NRG3: variants seen among roughly 807,000 people sequenced by gnomAD.
NRG3 encodes neuregulin 3, also known as pro-neuregulin-3, membrane-bound isoform.
NRG3 carries 31 observed loss-of-function variants against 66.9 expected under a neutral mutation model. The ratio of observed to expected loss-of-function variants is 0.46; its 90% CI spans 0.35 to 0.63. The LOEUF is 0.63. Ranked by LOEUF, NRG3 falls within the 20% of genes least tolerant of loss-of-function variation. The pLI is 0.00. For synonymous variants in NRG3, 393 were observed against 359.4 expected, an observed-to-expected ratio of 1.09 and a Z score of -1.06; for missense variants, 910 against 878.9, an observed-to-expected ratio of 1.04 and a Z score of -0.45.
chr10:82,711,747 G>T (rs533394355), intron 2 of NRG3, among the ~76,000 whole-genome samples: 91 of 152,136 alleles, frequency 6.0e-4, no homozygotes, highest in African/African-American at 2.0e-3. Flanking sequence ...TTTATCATAT[G>T]ATCAATTTTA....
intron 4 of NRG3, among the ~76,000 whole-genome samples, chr10:82,879,988 G>A (rs1304041750): frequency 3.3e-5 from 4 of 119,820 alleles, no homozygotes; most frequent in Non-Finnish European, 6.5e-5. Flanking sequence ...TTTTGCATGA[G>A]AATTGAAGCA....
chr10:82,397,619 C>T (rs2086796922), intron 2 of NRG3, among the ~76,000 whole-genome samples: 1 of 152,060 alleles, frequency 6.6e-6, no homozygotes, highest in African/African-American at 2.4e-5. Flanking sequence ...TTCTAAATGC[C>T]AGGGTTTTAA....
At chr10:81,963,197 G>A (rs2059591794) in intron 1 of NRG3, among the ~76,000 whole-genome samples, 1 of 140,314 alleles carries the variant, frequency 7.1e-6, no homozygotes, top group East Asian at 2.1e-4. Context: ...GCAGTGGCGG[G>A]ATCTCGGCTC....
chr10:82,856,317 T>C (rs1468222012), intron 3 of NRG3, among the ~76,000 whole-genome samples: 2 of 152,164 alleles, frequency 1.3e-5, no homozygotes, highest in South Asian at 2.1e-4. Context: ...GTCCTGGGAT[T>C]TGAGATTTTT....
chr10:82,261,285 C>T (rs866612541), intron 1 of NRG3, among the ~76,000 whole-genome samples: 6 of 152,294 alleles, frequency 3.9e-5, no homozygotes, highest in Admixed American at 6.5e-5. Flanking sequence ...CATTCACTCT[C>T]CTGTCTCCTG....
At chr10:82,910,893 TAACTG>T (rs948906983) in intron 4 of NRG3, among the ~76,000 whole-genome samples, 78 of 152,364 alleles carry the variant, frequency 5.1e-4, no homozygotes, top group African/African-American at 1.8e-3. Context: ...TGGAACATAG[TAACTG>T]AAGACACAGT....
At chr10:82,042,196 T>A (rs2064626) in intron 1 of NRG3, among the ~76,000 whole-genome samples, 95,234 of 151,610 alleles carry the variant, frequency 0.63, 31,467 homozygotes, top group South Asian at 0.81. Context: ...AGAATTTTTT[T>A]AAAAAAATTT....
chr10:82,565,056 T>C lies in NRG3; in HGVS notation c.954-173521T>C, dbSNP rs146000985. Among the ~76,000 whole-genome samples the C allele has an allele frequency of 1.1e-3, 163 of 152,142 alleles. 1 individual carries two copies. The highest frequency in any genetic ancestry group is 2.0e-3 in the Admixed American group (31 of 15,246). On this transcript the variant is annotated intron_variant, in intron 2 of 8. Coordinates refer to ENST00000372141, the MANE Select transcript of NRG3 (RefSeq NM_001010848.4). ...GGGAACGAGGTTCAGGAAGAGTTTGTCATAAGGATACGAAGTGGAAGGGCA... is the reference window on the plus strand; with the variant it reads ...GGGAACGAGGTTCAGGAAGAGTTTGCCATAAGGATACGAAGTGGAAGGGCA...
At chr10:82,334,899 GTCACAGCTC>G in intron 1 of NRG3, among the ~76,000 whole-genome samples, 1 of 152,246 alleles carries the variant, frequency 6.6e-6, no homozygotes, top group Non-Finnish European at 1.5e-5. Flanking sequence ...AAAAAATAAT[GTCACAGCTC>G]TCAGGAGGTG....
At chr10:81,934,040 A>G (rs1847635803) in intron 1 of NRG3, among the ~76,000 whole-genome samples, 1 of 152,156 alleles carries the variant, frequency 6.6e-6, no homozygotes, top group Non-Finnish European at 1.5e-5. Context: ...ATTTTATATA[A>G]TTTATTTCAT....
chr10:82,324,495 A>G (rs1432840793), intron 1 of NRG3, among the ~76,000 whole-genome samples: 1 of 151,772 alleles, frequency 6.6e-6, no homozygotes, highest in Non-Finnish European at 1.5e-5. Context: ...TTTCTTTTTT[A>G]ATATGGAAAA....
At chr10:82,935,282 G>A (rs1056239499) in intron 4 of NRG3, among the ~76,000 whole-genome samples, 1 of 152,090 alleles carries the variant, frequency 6.6e-6, no homozygotes, top group Non-Finnish European at 1.5e-5. Flanking sequence ...TTACTCAGAG[G>A]CATTTTATTT....
chr10:82,704,401 A>G (rs932543113), intron 2 of NRG3, among the ~76,000 whole-genome samples: 1 of 152,206 alleles, frequency 6.6e-6, no homozygotes, highest in Admixed American at 6.5e-5. Context: ...TAGTTACACT[A>G]ACTATAAATC....
At chr10:82,808,608 T>G (rs1488061175) in intron 3 of NRG3, among the ~76,000 whole-genome samples, 2 of 148,308 alleles carry the variant, frequency 1.3e-5, no homozygotes, top group Non-Finnish European at 1.5e-5. Context: ...AAACTGTTAT[T>G]TTTTAGAAAT....
chr10:82,110,346 C>A (rs1200125191), intron 1 of NRG3, among the ~76,000 whole-genome samples: 3 of 152,076 alleles, frequency 2.0e-5, no homozygotes, highest in Non-Finnish European at 4.4e-5. Flanking sequence ...AGAGAGATAA[C>A]AGGAGACCAG....
intron 2 of NRG3, among the ~76,000 whole-genome samples, chr10:82,429,941 G>T (rs1402080728): frequency 6.6e-6 from 1 of 151,918 alleles, no homozygotes; most frequent in Non-Finnish European, 1.5e-5. Context: ...TTCAATAATT[G>T]TACTGTTTTT....
chr10:82,376,947 G>A (rs984075788), intron 2 of NRG3, among the ~76,000 whole-genome samples: 5 of 152,164 alleles, frequency 3.3e-5, no homozygotes, highest in African/African-American at 1.2e-4. Flanking sequence ...AATACTAAGA[G>A]TGAAATTACT....
intron 2 of NRG3, among the ~76,000 whole-genome samples, chr10:82,723,427 C>A (rs1430355636): frequency 6.6e-6 from 1 of 152,018 alleles, no homozygotes; most frequent in Non-Finnish European, 1.5e-5. Flanking sequence ...ATGCAAAATA[C>A]CCATGTTACA....
rs554335081 is a variant in NRG3 at position 82,837,723 on chromosome 10, G to A, written c.1028-27688G>A. On this transcript the variant is annotated intron_variant, in intron 3 of 8. Coordinates refer to ENST00000372141, the MANE Select transcript of NRG3 (RefSeq NM_001010848.4). ...TGTGTTTACAACAATGCAAATGCCC[G>A]TTAGATTAATGCTGTTGAGAAAAAG... Among the ~76,000 whole-genome samples the A allele has an allele frequency of 2.3e-4, 35 of 152,200 alleles. 1 individual carries two copies. The Middle Eastern group carries it at 0.024, about 104-fold the overall frequency.
Sources: allele counts gnomAD v4.1 joint callset (sites outside exome capture counted in the v4.1 genomes callset), GRCh38; gene constraint gnomAD v4.1.1; transcripts MANE v1.5; gene names NCBI Gene and HGNC (gene_info 2026-07-23, HGNC 2026-07-21).